The following ELMO1 variants were observed in gnomAD, a reference collection of about 807,000 sequenced individuals.
ELMO1 encodes the protein engulfment and cell motility 1.
In ELMO1, 26 loss-of-function variants were observed where a neutral mutation model predicts 98.9. That is an observed-to-expected ratio of 0.26 (90% CI 0.19 to 0.36). The LOEUF (loss-of-function observed/expected upper bound fraction) is 0.36. Ranked by LOEUF, ELMO1 falls within the 10% of genes least tolerant of loss-of-function variation. The pLI, the probability that ELMO1 is intolerant of heterozygous loss-of-function variation, is 1.00. For missense variants in ELMO1, 627 were observed against 935.2 expected, an observed-to-expected ratio of 0.67 and a Z score of 4.30; for synonymous variants, 346 against 346.0, an observed-to-expected ratio of 1.00 and a Z score of 0.00.
chr7:36,921,508 ATG>A (rs1304580206), intron 16 of ELMO1, among the ~76,000 whole-genome samples: 3 of 152,318 alleles, frequency 2.0e-5, no homozygotes, highest in African/African-American at 7.2e-5. Flanking sequence ...AACTCTTATT[ATG>A]TTGATGTTAT....
chr7:37,145,352 G>A (rs1045283605), intron 13 of ELMO1, among the ~76,000 whole-genome samples: 7 of 152,276 alleles, frequency 4.6e-5, no homozygotes, highest in African/African-American at 1.7e-4. Flanking sequence ...CTGGTTCCCA[G>A]GTGCACATGC....
At chr7:37,447,644 CCCACA>C (rs1056493362) in intron 1 of ELMO1, among the ~76,000 whole-genome samples, 2 of 151,056 alleles carry the variant, frequency 1.3e-5, no homozygotes, top group African/African-American at 4.9e-5. Context: ...CAACACCCCC[CCCACA>C]CACACACACT....
At chr7:37,271,550 A>C (rs1414583708) in intron 5 of ELMO1, 7 of 367,922 alleles carry the variant, frequency 1.9e-5, no homozygotes, top group Non-Finnish European at 3.4e-5. Flanking sequence ...ATACAGAACA[A>C]CTCATAATGT....
At chr7:37,116,980 G>T (rs561630435) in intron 14 of ELMO1, 7 of 212,900 alleles carry the variant, frequency 3.3e-5, no homozygotes, top group African/African-American at 9.2e-5. Context: ...CCAGTGAGAG[G>T]CATCTCCATC....
intron 6 of ELMO1, among the ~76,000 whole-genome samples, chr7:37,256,980 A>G (rs944196779): frequency 2.0e-5 from 3 of 152,182 alleles, no homozygotes; most frequent in Admixed American, 6.5e-5. Flanking sequence ...TTATTAGCTT[A>G]GCATATTCAT....
chr7:37,003,317 G>A (rs1411208767), intron 16 of ELMO1, among the ~76,000 whole-genome samples: 1 of 152,168 alleles, frequency 6.6e-6, no homozygotes, highest in Non-Finnish European at 1.5e-5. Context: ...GAGGCCAGGA[G>A]TTTGAGATGA....
At chr7:36,899,283 T>G (rs1026058535) in intron 16 of ELMO1, among the ~76,000 whole-genome samples, 2 of 152,132 alleles carry the variant, frequency 1.3e-5, no homozygotes, top group African/African-American at 4.8e-5. Context: ...TTTGATAATA[T>G]AAAGTATGTT....
chr7:36,856,445 C>A (rs1240844193), intron 21 of ELMO1, among the ~76,000 whole-genome samples: 2 of 152,162 alleles, frequency 1.3e-5, no homozygotes, highest in African/African-American at 4.8e-5. Context: ...GTCTCTAGTT[C>A]CTAAGGTTTC....
intron 4 of ELMO1, among the ~76,000 whole-genome samples, chr7:37,314,319 T>C (rs1044110508): frequency 2.0e-5 from 3 of 152,306 alleles, no homozygotes; most frequent in Middle Eastern, 3.4e-3. Context: ...TAATTTTACT[T>C]GCTCCCAGGG....
At chr7:37,257,674 T>A (rs1432728417) in intron 6 of ELMO1, among the ~76,000 whole-genome samples, 1 of 150,866 alleles carries the variant, frequency 6.6e-6, no homozygotes, top group Admixed American at 6.6e-5. Context: ...AAGACCAGCC[T>A]GGCCAACGTG....
At chr7:37,347,346 G>A (rs545285331) in intron 1 of ELMO1, among the ~76,000 whole-genome samples, 1 of 152,294 alleles carries the variant, frequency 6.6e-6, no homozygotes, top group Non-Finnish European at 1.5e-5. Context: ...GCTGCCCCGA[G>A]CATTGCAGGA....
intron 1 of ELMO1, among the ~76,000 whole-genome samples, chr7:37,374,474 G>A (rs1000564453): frequency 1.8e-4 from 28 of 152,332 alleles, no homozygotes; most frequent in African/African-American, 6.0e-4. Context: ...CCTTGGCACC[G>A]GGAGTGGCGG....
Position 37,394,256 on chromosome 7 carries a change from G to A in ELMO1, c.-73-51493C>T, listed in dbSNP as rs551434791. On this transcript the variant is annotated intron_variant, in intron 1 of 21. Transcript: ENST00000310758. ...GCTTGACCAGGTGGAGGGGGAAGCAGTCCAGCACCAAGGAGCAGCTCAACA... is the reference window on the plus strand; with the variant it reads ...GCTTGACCAGGTGGAGGGGGAAGCAATCCAGCACCAAGGAGCAGCTCAACA... 2.0e-5 allele frequency among the ~76,000 whole-genome samples: 3 copies of A among 152,304 alleles called. No individual in the cohort carries two copies. In the South Asian group the frequency reaches 6.2e-4, roughly 32 times the overall value.
At chr7:37,116,671 TA>T (rs80024120) in intron 14 of ELMO1, 432 of 139,298 alleles carry the variant, frequency 3.1e-3, no homozygotes, top group South Asian at 9.2e-3. Context: ...GTTTTAAAAT[TA>T]AAAAAAAAAA....
intron 5 of ELMO1, among the ~76,000 whole-genome samples, chr7:37,261,468 A>G (rs1029494115): frequency 6.6e-6 from 1 of 152,188 alleles, no homozygotes; most frequent in Admixed American, 6.5e-5. Context: ...TGGGGTCCCA[A>G]AAGTTTTGTG....
chr7:36,954,911 G>A (rs1217334391), intron 16 of ELMO1, among the ~76,000 whole-genome samples: 1 of 152,192 alleles, frequency 6.6e-6, no homozygotes, highest in African/African-American at 2.4e-5. Context: ...CGTACCAGGT[G>A]AGACATGTTC....
In ELMO1 at chr7:37,283,292, C is replaced by T. The variant is rs1022260929; in HGVS notation, c.193-11410G>A. The stretch of plus-strand genomic sequence containing the variant: ...AGGGACATGCACAACCAGATGTCCA[C>T]GACTGCTCAAAAAAAAGATTAAATT... On this transcript the variant is annotated intron_variant, in intron 4 of 21. Coordinates refer to ENST00000310758, the MANE Select transcript of ELMO1 (RefSeq NM_014800.11). Among the ~76,000 whole-genome samples, 5 of 152,218 alleles carry T rather than the reference C, an allele frequency of 3.3e-5. No individual in the cohort carries two copies. The Middle Eastern group carries it at 0.014, about 414-fold the overall frequency.
chr7:37,443,643 A>C (rs1805500258), intron 1 of ELMO1, among the ~76,000 whole-genome samples: 1 of 152,262 alleles, frequency 6.6e-6, no homozygotes, highest in Non-Finnish European at 1.5e-5. Flanking sequence ...GTAATCAGGA[A>C]TCATGATATG....
At chr7:37,436,830 T>C (rs550482580) in intron 1 of ELMO1, among the ~76,000 whole-genome samples, 29 of 152,330 alleles carry the variant, frequency 1.9e-4, no homozygotes, top group Non-Finnish European at 1.6e-4. Flanking sequence ...GCTGGTGTAA[T>C]TGAACGTGCT....
Sources: gnomAD v4.1 joint callset for allele counts (sites outside exome capture counted in the v4.1 genomes callset) on GRCh38, gnomAD v4.1.1 for gene constraint, MANE v1.5 for transcripts, NCBI Gene and HGNC (gene_info 2026-07-23, HGNC 2026-07-21) for gene names.